Variants in MZT1 observed in about 807,000 individuals in gnomAD.
MZT1 encodes the protein mitotic-spindle organizing protein 1.
In MZT1, 8 loss-of-function variants were observed where a neutral mutation model predicts 8.5. That is an observed-to-expected ratio of 0.94 (90% CI 0.55 to 1.70). The LOEUF (loss-of-function observed/expected upper bound fraction) is 1.70, where lower values mean the gene tolerates loss of function less well. MZT1 is among the 40% of genes most tolerant of loss of function. The pLI, the probability that MZT1 is intolerant of heterozygous loss-of-function variation, is 0.00. For synonymous variants in MZT1, 38 were observed against 42.0 expected (o/e 0.90, Z 0.37); for missense variants, 93 against 108.6 (o/e 0.86, Z 0.64).
At chr13:72,718,044 T>A (rs1239421735) in intron 2 of MZT1, among the ~76,000 whole-genome samples, 6 of 152,194 alleles carry the variant, frequency 3.9e-5, no homozygotes, top group Non-Finnish European at 5.9e-5. Context: ...AGTAACCACA[T>A]ATTAGGTGGG....
At chr13:72,712,434 G>A (rs182656116) in intron 2 of MZT1, among the ~76,000 whole-genome samples, 79 of 152,312 alleles carry the variant, frequency 5.2e-4, no homozygotes, top group Admixed American at 9.2e-4. Context: ...TATTACAGGC[G>A]TGAGCCAGCA....
intron 2 of MZT1, among the ~76,000 whole-genome samples, chr13:72,713,536 C>G (rs2032507541): frequency 6.6e-6 from 1 of 152,120 alleles, no homozygotes; most frequent in Non-Finnish European, 1.5e-5. Context: ...GATGTAAACG[C>G]TATGTAAATA....
At chr13:72,720,980 A>G (rs1462641801) in intron 1 of MZT1, among the ~76,000 whole-genome samples, 2 of 152,086 alleles carry the variant, frequency 1.3e-5, no homozygotes, top group Non-Finnish European at 2.9e-5. Context: ...TTTTGGAGAT[A>G]TGGAGTATAG....
At chr13:72,725,138 A>G (rs2032635495) in intron 1 of MZT1, among the ~76,000 whole-genome samples, 1 of 152,092 alleles carries the variant, frequency 6.6e-6, no homozygotes, top group South Asian at 2.1e-4. Flanking sequence ...GGACGATTTT[A>G]GAGGAAAATA....
At chr13:72,726,408 G>T (rs765976574) in intron 1 of MZT1, among the ~76,000 whole-genome samples, 1 of 152,078 alleles carries the variant, frequency 6.6e-6, no homozygotes, top group Non-Finnish European at 1.5e-5. Context: ...TCCACCCTGG[G>T]CAACTACAGC....
intron 2 of MZT1, among the ~76,000 whole-genome samples, chr13:72,718,579 G>A (rs541529486): frequency 3.3e-5 from 5 of 151,856 alleles, no homozygotes; most frequent in African/African-American, 1.2e-4. Context: ...CTGGGTTCAC[G>A]CCATTCTCCT....
At position 72,710,077 on chromosome 13, in the gene MZT1, T is replaced by C. The variant is rs1311378324; in HGVS notation, c.*245A>G. 4 of 509,362 alleles carry C rather than the reference T, an allele frequency of 7.9e-6. No homozygotes were observed. Among genetic ancestry groups the C allele is most frequent in the East Asian group, 3.3e-5 (1 of 30,298 alleles). The allele number at this position is 509,362 out of a possible 1,614,324, so 31.6% of individuals were successfully genotyped here. Reference sequence around the variant, plus strand: ...AATAAGGAATACATAAATATGAACATAGCAATGCCAAAGCATTAGAGCTGT... The same window carrying C: ...AATAAGGAATACATAAATATGAACACAGCAATGCCAAAGCATTAGAGCTGT... On this transcript the variant is annotated 3_prime_UTR_variant, in exon 3 of 3. Coordinates refer to ENST00000377818, the MANE Select transcript of MZT1 (RefSeq NM_001071775.3).
chr13:72,724,240 G>A (rs963932959), intron 1 of MZT1, among the ~76,000 whole-genome samples: 3 of 152,132 alleles, frequency 2.0e-5, no homozygotes, highest in African/African-American at 7.2e-5. Context: ...GGACTTTTTG[G>A]CTGAGTATCA....
intron 1 of MZT1, among the ~76,000 whole-genome samples, chr13:72,722,938 A>G (rs2032604714): frequency 6.6e-6 from 1 of 152,066 alleles, no homozygotes; most frequent in South Asian, 2.1e-4. Flanking sequence ...TTTATTTTTG[A>G]CTGTCTTCAC....
chr13:72,719,113 A>C lies in MZT1; in HGVS notation c.80-16T>G. 1 of 1,316,380 alleles carries C rather than the reference A, an allele frequency of 7.6e-7. No individual in the cohort carries two copies. Among genetic ancestry groups the C allele is most frequent in the South Asian group, 1.5e-5 (1 of 68,232 alleles). The allele number at this position is 1,316,380 out of a possible 1,614,324, so 81.5% of individuals were successfully genotyped here. A position where few individuals can be genotyped will look rare whatever the true frequency, so the allele number is the denominator to read the frequency against. On this transcript the variant is annotated splice_polypyrimidine_tract_variant and intron_variant, in intron 1 of 2. Coordinates refer to ENST00000377818, the MANE Select transcript of MZT1 (RefSeq NM_001071775.3). The stretch of plus-strand genomic sequence containing the variant: ...TCAAGCAGAACTGAAAAAAGATACA[A>C]AAAAAAAAAAAACTTAAGGCTTACA...
chr13:72,721,038 G>A (rs544398677), intron 1 of MZT1, among the ~76,000 whole-genome samples: 3 of 152,266 alleles, frequency 2.0e-5, no homozygotes, highest in Admixed American at 2.0e-4. Context: ...GATCGGGGGG[G>A]TGTTCGTTAC....
intron 2 of MZT1, among the ~76,000 whole-genome samples, chr13:72,710,564 G>A (rs1402154093): frequency 6.6e-6 from 1 of 152,128 alleles, no homozygotes; most frequent in African/African-American, 2.4e-5. Context: ...GTGGAAAATA[G>A]TTATATCACC....
At chr13:72,724,925 G>A (rs1462863792) in intron 1 of MZT1, among the ~76,000 whole-genome samples, 16 of 148,420 alleles carry the variant, frequency 1.1e-4, no homozygotes, top group South Asian at 2.1e-4. Flanking sequence ...GGTGGCGGGC[G>A]CCTATAATCC....
intron 2 of MZT1, among the ~76,000 whole-genome samples, chr13:72,715,711 T>C (rs573558102): frequency 6.6e-6 from 1 of 152,230 alleles, no homozygotes; most frequent in Non-Finnish European, 1.5e-5. Context: ...GAGTTATGGT[T>C]ACATAAAACT....
chr13:72,715,467 T>C (rs939904214), intron 2 of MZT1, among the ~76,000 whole-genome samples: 1 of 152,166 alleles, frequency 6.6e-6, no homozygotes, highest in African/African-American at 2.4e-5. Flanking sequence ...TGATTGTATG[T>C]TGCAATGTGA....
At chr13:72,711,750 G>A (rs2032490749) in intron 2 of MZT1, among the ~76,000 whole-genome samples, 1 of 151,508 alleles carries the variant, frequency 6.6e-6, no homozygotes. Flanking sequence ...ACCACACAAG[G>A]CAGGGAGAAG....
chr13:72,714,988 G>C (rs1249504107), intron 2 of MZT1, among the ~76,000 whole-genome samples: 1 of 152,156 alleles, frequency 6.6e-6, no homozygotes, highest in African/African-American at 2.4e-5. Flanking sequence ...GAGGGCCACC[G>C]TTCTCCAACC....
chr13:72,724,752 A>ATATATATATATATATATGTGTG lies in MZT1; in HGVS notation c.79+2771_79+2772insCACACATATATATATATATATA, dbSNP rs1180726488. ...TATATATATATATACACATATATAT[A>ATATATATATATATATATGTGTG]TGTAAAGTGGTGCTACAGGCCGGGC... On this transcript the variant is annotated intron_variant, in intron 1 of 2. Transcript: ENST00000377818. 3.5e-4 allele frequency among the ~76,000 whole-genome samples: 20 copies of ATATATATATATATATATGTGTG among 56,890 alleles called. 6 individuals carry two copies. The highest frequency in any genetic ancestry group is 4.0e-4 in the African/African-American group (8 of 20,010). The allele number at this position is 56,890 out of a possible 152,430, so 37.3% of individuals were successfully genotyped here.
In MZT1 at chr13:72,710,277, C is replaced by T; in HGVS notation, c.*45G>A. ...CTCAACTACAATGCAATCTTCAAAC[C>T]CTCTTGCAGAGCTTGACATATCTCA... On this transcript the variant is annotated 3_prime_UTR_variant, in exon 3 of 3. Coordinates refer to ENST00000377818, the MANE Select transcript of MZT1 (RefSeq NM_001071775.3). The T allele has an allele frequency of 6.2e-7, 1 of 1,602,512 alleles. No homozygotes were observed. Among genetic ancestry groups the T allele is most frequent in the South Asian group, 1.1e-5 (1 of 90,520 alleles).
Sources: gnomAD v4.1 joint callset for allele counts (sites outside exome capture counted in the v4.1 genomes callset) on GRCh38, gnomAD v4.1.1 for gene constraint, MANE v1.5 for transcripts, NCBI Gene and HGNC (gene_info 2026-07-23, HGNC 2026-07-21) for gene names.